The following TACR3 variants were observed in gnomAD, a reference collection of about 807,000 sequenced individuals.
TACR3 encodes neuromedin-K receptor.
A neutral mutation model predicts 35.0 loss-of-function variants in TACR3; 34 were observed. The observed-to-expected ratio is 0.97, with a 90% CI of 0.74 to 1.30. The LOEUF (loss-of-function observed/expected upper bound fraction) is 1.30, where lower values mean the gene tolerates loss of function less well. Among genes scored for constraint, TACR3 ranks in the 50% most tolerant of loss-of-function variants. TACR3 has a pLI of 0.00. For synonymous variants in TACR3, 233 were observed against 221.1 expected, an observed-to-expected ratio of 1.05 and a Z score of -0.48; for missense variants, 558 against 591.7, an observed-to-expected ratio of 0.94 and a Z score of 0.59.
intron 3 of TACR3, among the ~76,000 whole-genome samples, chr4:103,601,437 G>A (rs989633534): frequency 3.9e-5 from 6 of 152,248 alleles, no homozygotes; most frequent in African/African-American, 1.4e-4. Flanking sequence ...TATGATGTTA[G>A]CTGGTTATTT....
At chr4:103,707,724 C>T (rs138442698) in intron 1 of TACR3, among the ~76,000 whole-genome samples, 2 of 152,170 alleles carry the variant, frequency 1.3e-5, no homozygotes, top group East Asian at 3.9e-4. Flanking sequence ...CTGGGAAGCA[C>T]AAGGGGTCAG....
chr4:103,639,204 C>T (rs893092311), intron 3 of TACR3, among the ~76,000 whole-genome samples: 10 of 152,052 alleles, frequency 6.6e-5, no homozygotes, highest in Middle Eastern at 3.4e-3. Context: ...TGTCCAACAA[C>T]GATAGACTGG....
intron 3 of TACR3, among the ~76,000 whole-genome samples, chr4:103,616,862 C>T (rs149138267): frequency 2.3e-4 from 35 of 152,180 alleles, no homozygotes; most frequent in Non-Finnish European, 4.1e-4. Flanking sequence ...GTGGGCATGT[C>T]GATTAAGCCC....
chr4:103,677,453 C>A (rs187729425), intron 1 of TACR3, among the ~76,000 whole-genome samples: 53 of 152,150 alleles, frequency 3.5e-4, no homozygotes, highest in African/African-American at 1.3e-3. Flanking sequence ...GACATATAAT[C>A]AACCTAATGC....
chr4:103,620,929 A>G (rs566859636), intron 3 of TACR3, among the ~76,000 whole-genome samples: 16 of 152,366 alleles, frequency 1.1e-4, no homozygotes, highest in African/African-American at 3.6e-4. Flanking sequence ...AGATTCATTC[A>G]TTAATCTTAT....
intron 3 of TACR3, among the ~76,000 whole-genome samples, chr4:103,620,505 C>A (rs1578229799): frequency 2.6e-5 from 4 of 152,170 alleles, no homozygotes; most frequent in Non-Finnish European, 4.4e-5. Flanking sequence ...CCCTGGTACC[C>A]ATTAATGATA....
chr4:103,592,599 C>T (rs1004558483), intron 3 of TACR3, among the ~76,000 whole-genome samples: 7 of 152,116 alleles, frequency 4.6e-5, no homozygotes, highest in Non-Finnish European at 1.0e-4. Flanking sequence ...GAACAATGTT[C>T]ATATCTCTTT....
In TACR3 at chr4:103,665,006, A is replaced by G. The variant is rs1560523541; in HGVS notation, c.549-6603T>C. Among the ~76,000 whole-genome samples, 4 of 150,506 alleles carry G rather than the reference A, an allele frequency of 2.7e-5. No individual in the cohort carries two copies. The Admixed American group carries it at 2.7e-4, about 10-fold the overall frequency. ...TCCTGTATTTCTTGTAGAGATGAGG[A>G]TTCACCATGTTGTCCAGGCTGGTCT... On this transcript the variant is annotated intron_variant, in intron 1 of 4. Coordinates refer to ENST00000304883, the MANE Select transcript of TACR3 (RefSeq NM_001059.3).
intron 3 of TACR3, among the ~76,000 whole-genome samples, chr4:103,598,564 T>G (rs1226086097): frequency 6.6e-6 from 1 of 152,182 alleles, no homozygotes; most frequent in Non-Finnish European, 1.5e-5. Context: ...CTATGTTTTC[T>G]TCTAGGGTTT....
At chr4:103,718,979 T>G (rs1336999757) in intron 1 of TACR3, 149 bp downstream of exon 1, 2 of 1,054,780 alleles carry the variant, frequency 1.9e-6, no homozygotes, top group African/African-American at 3.2e-5. Context: ...GGGCTACAAA[T>G]GGGTTAGTGT....
At chr4:103,603,121 G>A (rs1724250844) in intron 3 of TACR3, among the ~76,000 whole-genome samples, 1 of 152,210 alleles carries the variant, frequency 6.6e-6, no homozygotes, top group South Asian at 2.1e-4. Flanking sequence ...CAGCCTCGCT[G>A]CCACCTTGCA....
At chr4:103,628,923 T>A (rs935889327) in intron 3 of TACR3, among the ~76,000 whole-genome samples, 1 of 152,080 alleles carries the variant, frequency 6.6e-6, no homozygotes, top group African/African-American at 2.4e-5. Flanking sequence ...CAGCAGCACA[T>A]CAAAAAGCTT....
intron 1 of TACR3, among the ~76,000 whole-genome samples, chr4:103,715,618 A>T (rs1234856245): frequency 2.0e-5 from 3 of 152,200 alleles, no homozygotes; most frequent in African/African-American, 7.2e-5. Context: ...GTGGTTTAAA[A>T]AAATATTTAA....
At chr4:103,689,025 T>G (rs1722328802) in intron 1 of TACR3, among the ~76,000 whole-genome samples, 1 of 151,608 alleles carries the variant, frequency 6.6e-6, no homozygotes, top group Admixed American at 6.6e-5. Context: ...ATAGACTGGA[T>G]TAAGAAAATG....
intron 3 of TACR3, among the ~76,000 whole-genome samples, chr4:103,639,891 G>C (rs987045117): frequency 6.6e-6 from 1 of 151,938 alleles, no homozygotes; most frequent in East Asian, 1.9e-4. Flanking sequence ...TAAGTAAGCT[G>C]TATGGCACAT....
chr4:103,701,517 C>T (rs1195838011), intron 1 of TACR3, among the ~76,000 whole-genome samples: 3 of 152,000 alleles, frequency 2.0e-5, no homozygotes, highest in Non-Finnish European at 4.4e-5. Context: ...TCAAGCTACC[C>T]ATGACTTTCT....
intron 1 of TACR3, among the ~76,000 whole-genome samples, chr4:103,710,443 T>C (rs1240560790): frequency 6.6e-6 from 1 of 151,338 alleles, no homozygotes; most frequent in Non-Finnish European, 1.5e-5. Context: ...GAAATAAAGA[T>C]GAGAACAAAG....
At chr4:103,646,391 A>G (rs1402454586) in intron 3 of TACR3, among the ~76,000 whole-genome samples, 9 of 152,052 alleles carry the variant, frequency 5.9e-5, no homozygotes, top group Admixed American at 5.9e-4. Flanking sequence ...GATATAGTAT[A>G]ACATTCACAT....
intron 1 of TACR3, among the ~76,000 whole-genome samples, chr4:103,698,204 G>GA (rs35661189): frequency 0.18 from 27,139 of 150,808 alleles, 5,301 homozygotes; most frequent in African/African-American, 0.49. Context: ...TTAGCTATGG[G>GA]AAAAAAAAAC....
Sources: allele counts gnomAD v4.1 joint callset (sites outside exome capture counted in the v4.1 genomes callset), GRCh38; gene constraint gnomAD v4.1.1; transcripts MANE v1.5; gene names NCBI Gene and HGNC (gene_info 2026-07-23, HGNC 2026-07-21).